GPC3: variants seen among roughly 807,000 people sequenced by gnomAD.
GPC3 encodes the protein glypican-3.
GPC3 carries 3 observed loss-of-function variants against 34.4 expected under a neutral mutation model. The ratio of observed to expected loss-of-function variants is 0.09; its 90% CI spans 0.04 to 0.23. GPC3 has a LOEUF of 0.23. GPC3 is among the 10% of genes least tolerant of loss of function. The pLI, the probability that GPC3 is intolerant of heterozygous loss-of-function variation, is 1.00. For missense variants in GPC3, 351 were observed against 445.6 expected (o/e 0.79, Z 1.91); for synonymous variants, 177 against 174.0 (o/e 1.02, Z -0.13).
At chrX:133,765,760 G>T (rs2071838630) in intron 2 of GPC3, among the ~76,000 whole-genome samples, 1 of 111,552 alleles carries the variant, frequency 9.0e-6, no homozygotes, top group African/African-American at 3.3e-5. Flanking sequence ...TTTTATTTCT[G>T]CAAGTGCTTT....
At chrX:133,838,281 C>T (rs1162032889) in intron 2 of GPC3, among the ~76,000 whole-genome samples, 6 of 112,446 alleles carry the variant, frequency 5.3e-5, no homozygotes, top group Non-Finnish European at 1.1e-4. Flanking sequence ...AACCAATCCT[C>T]ATCTCCCTTT....
chrX:133,558,942 A>AAT (rs1245346146), intron 7 of GPC3, among the ~76,000 whole-genome samples: 126 of 109,105 alleles, frequency 1.2e-3, no homozygotes, highest in African/African-American at 4.1e-3. Context: ...TAAATAAATA[A>AAT]AAATAAATGT....
chrX:133,618,357 G>A (rs2070189302), intron 6 of GPC3, among the ~76,000 whole-genome samples: 1 of 111,528 alleles, frequency 9.0e-6, no homozygotes, highest in African/African-American at 3.3e-5. Flanking sequence ...ATGAATAAAT[G>A]AATGCTCTTT....
At chrX:133,685,626 A>C (rs1012050) in intron 5 of GPC3, among the ~76,000 whole-genome samples, 24,984 of 109,621 alleles carry the variant, frequency 0.23, 3,141 homozygotes, top group East Asian at 0.54. Flanking sequence ...GCATAAGATA[A>C]AGAGGAGGCA....
At chrX:133,889,769 C>A (rs753484163) in intron 2 of GPC3, among the ~76,000 whole-genome samples, 1 of 107,019 alleles carries the variant, frequency 9.3e-6, no homozygotes, top group Non-Finnish European at 1.9e-5. Flanking sequence ...CCCCCACCCC[C>A]CGACCATAAT....
chrX:133,658,344 G>C (rs1032335349), intron 6 of GPC3, among the ~76,000 whole-genome samples: 2 of 112,271 alleles, frequency 1.8e-5, no homozygotes, highest in Admixed American at 9.5e-5. Context: ...GTAATAATGA[G>C]TTCTTGAAAA....
At chrX:133,722,891 C>T (rs1486399089) in intron 3 of GPC3, among the ~76,000 whole-genome samples, 2 of 111,617 alleles carry the variant, frequency 1.8e-5, no homozygotes, top group African/African-American at 6.5e-5. Context: ...AGTCTGACCC[C>T]TGAACAAAAA....
At chrX:133,773,507 A>G (rs1275610377) in intron 2 of GPC3, among the ~76,000 whole-genome samples, 2 of 112,239 alleles carry the variant, frequency 1.8e-5, no homozygotes, top group East Asian at 5.6e-4. Flanking sequence ...AGGATGAACA[A>G]AATGTCTTGG....
intron 5 of GPC3, among the ~76,000 whole-genome samples, chrX:133,665,294 C>T (rs2070759226): frequency 8.9e-6 from 1 of 112,040 alleles, no homozygotes; most frequent in African/African-American, 3.2e-5. Flanking sequence ...AGCTTCTCAA[C>T]CACACTGTGA....
intron 7 of GPC3, among the ~76,000 whole-genome samples, chrX:133,592,473 C>T (rs2069862927): frequency 9.1e-6 from 1 of 109,941 alleles, no homozygotes; most frequent in Non-Finnish European, 1.9e-5. Flanking sequence ...ATGCCAAGCT[C>T]TGGCACAGTG....
At chrX:133,782,787 T>A (rs865867047) in intron 2 of GPC3, among the ~76,000 whole-genome samples, 1 of 111,807 alleles carries the variant, frequency 8.9e-6, no homozygotes. Context: ...GAGATGACCA[T>A]AGAGAGACTG....
chrX:133,536,195 C>T lies in GPC3; in HGVS notation c.1672G>A (p.Val558Ile), dbSNP rs2069288412. 1.7e-6 allele frequency: 2 copies of T among 1,204,040 alleles called. No homozygotes were observed. Among genetic ancestry groups the T allele is most frequent in the East Asian group, 3.0e-5 (1 of 33,768 alleles). The change falls in exon 8 of 8, where the codon GTT becomes ATT. Residue 558 changes from valine (V) to isoleucine (I), a missense_variant. By Grantham distance (29) the Val-to-Ile change is conservative. Coordinates refer to ENST00000370818, the MANE Select transcript of GPC3 (RefSeq NM_004484.4). ...EISTFHNLGN[V>I]HSPLKLLTSM... The stretch of plus-strand genomic sequence containing the variant: ...GTGAGAAGCTTCAGCGGGGAATGAA[C>T]GTTCCCGAGGTTGTGAAAGGTGCTT...
chrX:133,632,814 T>A (rs1425407370), intron 6 of GPC3, among the ~76,000 whole-genome samples: 2 of 111,698 alleles, frequency 1.8e-5, no homozygotes, highest in Non-Finnish European at 3.8e-5. Context: ...CCAGTAATAA[T>A]AACCATATTT....
Position 133,838,633 on chromosome X carries a change from T to A in GPC3, c.338-84457A>T, listed in dbSNP as rs751573316. Among the ~76,000 whole-genome samples the A allele has an allele frequency of 2.7e-5, 3 of 112,442 alleles. No homozygotes were observed. In the East Asian group the frequency reaches 8.4e-4, roughly 31 times the overall value. On this transcript the variant is annotated intron_variant, in intron 2 of 7. Transcript: ENST00000370818. ...TCCATCCTTTATACATACTCCTGGT[T>A]TGGGGCCAAATTTCTTCTTCAAATG...
chrX:133,984,540 C>A (rs2076557009), intron 1 of GPC3, among the ~76,000 whole-genome samples: 2 of 111,759 alleles, frequency 1.8e-5, no homozygotes, highest in Non-Finnish European at 3.8e-5. Context: ...CCTTTAGGAT[C>A]CAGCCTGTCA....
chrX:133,703,858 G>A (rs1270673319), intron 3 of GPC3, among the ~76,000 whole-genome samples: 1 of 112,407 alleles, frequency 8.9e-6, no homozygotes, highest in African/African-American at 3.2e-5. Context: ...CTGGGACCCA[G>A]CAAGGTATAG....
At chrX:133,602,130 C>T (rs938060643) in intron 6 of GPC3, among the ~76,000 whole-genome samples, 2 of 110,966 alleles carry the variant, frequency 1.8e-5, no homozygotes, top group Non-Finnish European at 3.8e-5. Context: ...TATGGATGAG[C>T]CTGGAGGACA....
intron 6 of GPC3, among the ~76,000 whole-genome samples, chrX:133,627,352 A>G (rs938923245): frequency 3.6e-5 from 4 of 111,761 alleles, no homozygotes; most frequent in African/African-American, 6.5e-5. Context: ...TTTGGCTAAA[A>G]TCTTAGGTTC....
chrX:133,867,860 T>A (rs149748131), intron 2 of GPC3, among the ~76,000 whole-genome samples: 113 of 106,798 alleles, frequency 1.1e-3, no homozygotes, highest in Middle Eastern at 4.7e-3. Context: ...GGAAGGAACA[T>A]CTAAACGCCA....
Sources: allele counts gnomAD v4.1 joint callset (sites outside exome capture counted in the v4.1 genomes callset), GRCh38; gene constraint gnomAD v4.1.1; transcripts MANE v1.5; gene names NCBI Gene and HGNC (gene_info 2026-07-23, HGNC 2026-07-21).